Variants in TRPC4 observed in about 807,000 individuals in gnomAD.
TRPC4 encodes the protein short transient receptor potential channel 4.
TRPC4 carries 49 observed loss-of-function variants against 99.4 expected under a neutral mutation model. The observed-to-expected ratio is 0.49, with a 90% CI of 0.39 to 0.63. The LOEUF is 0.63. Ranked by LOEUF, TRPC4 falls within the 20% of genes least tolerant of loss-of-function variation. The probability of loss-of-function intolerance (pLI) is 0.00; values close to 1 mark genes in which losing one functional copy is unlikely to be tolerated. For synonymous variants in TRPC4, 454 were observed against 425.9 expected (o/e 1.07, Z -0.81); for missense variants, 898 against 1,152.9 (o/e 0.78, Z 3.20).
chr13:37,714,005 C>T (rs1319964145), intron 3 of TRPC4, among the ~76,000 whole-genome samples: 1 of 152,112 alleles, frequency 6.6e-6, no homozygotes, highest in Non-Finnish European at 1.5e-5. Context: ...CTCCATTTCT[C>T]TCTCTGCTTT....
At chr13:37,696,841 G>T (rs1404593811) in intron 3 of TRPC4, among the ~76,000 whole-genome samples, 1 of 151,608 alleles carries the variant, frequency 6.6e-6, no homozygotes, top group African/African-American at 2.4e-5. Flanking sequence ...ATTTTATAAT[G>T]TCGATAGCAG....
intron 1 of TRPC4, among the ~76,000 whole-genome samples, chr13:37,813,991 C>T (rs1383472608): frequency 6.6e-6 from 1 of 151,734 alleles, no homozygotes; most frequent in Non-Finnish European, 1.5e-5. Flanking sequence ...ATATTATGAC[C>T]TAGTGGAGTT....
At chr13:37,677,333 A>T (rs1173620356) in intron 4 of TRPC4, among the ~76,000 whole-genome samples, 2 of 152,098 alleles carry the variant, frequency 1.3e-5, no homozygotes, top group East Asian at 3.9e-4. Flanking sequence ...TTTCCAGTTT[A>T]CCCATATCAT....
chr13:37,698,949 C>G (rs79057630), intron 3 of TRPC4, among the ~76,000 whole-genome samples: 2 of 152,106 alleles, frequency 1.3e-5, no homozygotes, highest in East Asian at 3.9e-4. Context: ...CCACCATATG[C>G]CTTCATCATG....
At chr13:37,839,179 A>C (rs1397309402) in intron 1 of TRPC4, among the ~76,000 whole-genome samples, 1 of 152,188 alleles carries the variant, frequency 6.6e-6, no homozygotes, top group Non-Finnish European at 1.5e-5. Flanking sequence ...TACCAACAGG[A>C]TGCCTTGATA....
intron 2 of TRPC4, among the ~76,000 whole-genome samples, chr13:37,774,090 C>G (rs1956635618): frequency 6.6e-6 from 1 of 151,574 alleles, no homozygotes; most frequent in South Asian, 2.1e-4. Context: ...TATAATTTCC[C>G]TCAGGGACTC....
At chr13:37,646,024 T>G (rs9547996) in intron 8 of TRPC4, among the ~76,000 whole-genome samples, 32,126 of 152,252 alleles carry the variant, frequency 0.21, 3,704 homozygotes, top group Non-Finnish European at 0.25. Flanking sequence ...GTCCTAAAGA[T>G]TAGGGAGCGA....
intron 1 of TRPC4, among the ~76,000 whole-genome samples, chr13:37,856,291 C>T (rs9548082): frequency 0.21 from 31,804 of 150,072 alleles, 3,491 homozygotes; most frequent in East Asian, 0.27. Context: ...AATTCCTGGA[C>T]ACATATAACC....
chr13:37,684,834 C>CAT (rs1181910004), intron 4 of TRPC4, among the ~76,000 whole-genome samples: 2 of 134,494 alleles, frequency 1.5e-5, no homozygotes, highest in Admixed American at 1.5e-4. Context: ...CACACACACA[C>CAT]ACAGAAATTT....
chr13:37,726,315 T>C (rs1192659166), intron 3 of TRPC4, among the ~76,000 whole-genome samples: 4 of 152,162 alleles, frequency 2.6e-5, no homozygotes, highest in Non-Finnish European at 5.9e-5. Flanking sequence ...TCATATATAA[T>C]GTATAAAGAT....
At chr13:37,771,718 A>G (rs949137318) in intron 2 of TRPC4, among the ~76,000 whole-genome samples, 2 of 151,678 alleles carry the variant, frequency 1.3e-5, no homozygotes, top group African/African-American at 4.8e-5. Flanking sequence ...CCTTGTTATT[A>G]AATTTAGCCA....
chr13:37,850,368 C>T (rs1959024225), intron 1 of TRPC4, among the ~76,000 whole-genome samples: 1 of 152,014 alleles, frequency 6.6e-6, no homozygotes, highest in Non-Finnish European at 1.5e-5. Flanking sequence ...GTAATTTGTG[C>T]CAGATTAATA....
intron 2 of TRPC4, among the ~76,000 whole-genome samples, chr13:37,764,516 A>G (rs1292105423): frequency 1.3e-5 from 2 of 151,322 alleles, no homozygotes; most frequent in Non-Finnish European, 3.0e-5. Flanking sequence ...AATTATCTGA[A>G]CATACTTTTA....
Position 37,668,442 on chromosome 13 carries a change from T to C in TRPC4, c.1375-4713A>G, listed in dbSNP as rs532781020. ...AAAAGCACTCTGGGGAGAAGAATTA[T>C]AGACATATTAAAAAACAAAGTGGTT... On this transcript the variant is annotated intron_variant, in intron 5 of 10. Coordinates refer to ENST00000379705, the MANE Select transcript of TRPC4 (RefSeq NM_016179.4). Among the ~76,000 whole-genome samples the C allele has an allele frequency of 7.4e-4, 113 of 152,284 alleles. 1 individual carries two copies. Among genetic ancestry groups the C allele is most frequent in the African/African-American group, 2.6e-3 (110 of 41,570 alleles).
At chr13:37,850,850 C>T (rs1482160497) in intron 1 of TRPC4, among the ~76,000 whole-genome samples, 2 of 152,066 alleles carry the variant, frequency 1.3e-5, no homozygotes, top group African/African-American at 4.8e-5. Context: ...TTGTACAAGC[C>T]ATATTTGCTC....
intron 1 of TRPC4, among the ~76,000 whole-genome samples, chr13:37,784,162 C>T (rs1232806972): frequency 1.6e-4 from 25 of 152,174 alleles, no homozygotes. Context: ...GAATATTAAT[C>T]ATCAAGATGA....
chr13:37,869,429 A>T (rs1337601), intron 1 of TRPC4, among the ~76,000 whole-genome samples, 166 bp downstream of exon 1: 1 of 151,958 alleles, frequency 6.6e-6, no homozygotes, highest in East Asian at 1.9e-4. Flanking sequence ...AGCCTTGAAG[A>T]GAAACCACAT....
chr13:37,682,368 G>A (rs1953278323), intron 4 of TRPC4, among the ~76,000 whole-genome samples: 1 of 152,066 alleles, frequency 6.6e-6, no homozygotes, highest in East Asian at 1.9e-4. Flanking sequence ...TTTCAAATCA[G>A]GGAATATAAA....
intron 1 of TRPC4, among the ~76,000 whole-genome samples, chr13:37,799,540 A>G (rs1219789021): frequency 6.6e-6 from 1 of 152,152 alleles, no homozygotes; most frequent in Non-Finnish European, 1.5e-5. Context: ...CTCAGAGCTG[A>G]TTTCTCATAT....
Sources: gnomAD v4.1 joint callset for allele counts (sites outside exome capture counted in the v4.1 genomes callset) on GRCh38, gnomAD v4.1.1 for gene constraint, MANE v1.5 for transcripts, NCBI Gene and HGNC (gene_info 2026-07-23, HGNC 2026-07-21) for gene names.